The following TMEM225B variants were observed in gnomAD, a reference collection of about 807,000 sequenced individuals.
TMEM225B encodes transmembrane protein 225-like.
A neutral mutation model predicts 16.9 loss-of-function variants in TMEM225B; 10 were observed. The observed-to-expected ratio is 0.59, with a 90% CI of 0.36 to 1.00. The LOEUF is 1.00. Among genes scored for constraint, TMEM225B ranks in the 50% least tolerant of loss-of-function variants. TMEM225B has a pLI of 0.01. For synonymous variants in TMEM225B, 92 were observed against 109.8 expected, an observed-to-expected ratio of 0.84 and a Z score of 1.01; for missense variants, 217 against 267.0, an observed-to-expected ratio of 0.81 and a Z score of 1.30.
Position 99,604,526 on chromosome 7 carries a change from C to G in TMEM225B, c.138C>G (p.His46Gln). Reference protein sequence around the residue: ...FWVRLTNEESHEVFFSGLFEN... With the variant: ...FWVRLTNEESQEVFFSGLFEN... ...TGCGACTGACAAACGAGGAGTCCCA[C>G]GAAGTCTTTTTCAGTGGCCTATTTG... Residue 46 changes from histidine to glutamine, a missense_variant, in exon 3 of 6, where the codon CAC becomes CAG. His to Gln is a conservative substitution (Grantham distance 24). Coordinates refer to ENST00000431679, the MANE Select transcript of TMEM225B (RefSeq NM_001195541.3). The G allele has an allele frequency of 6.5e-7, 1 of 1,536,118 alleles. No homozygotes were observed. Among genetic ancestry groups the G allele is most frequent in the Non-Finnish European group, 8.7e-7 (1 of 1,146,886 alleles).
chr7:99,598,820 G>A (rs531176235), intron 1 of TMEM225B, among the ~76,000 whole-genome samples: 108 of 152,348 alleles, frequency 7.1e-4, no homozygotes, highest in Non-Finnish European at 4.1e-4. Context: ...GCCAGGGCCT[G>A]GGAGGTGCGG....
intron 2 of TMEM225B, among the ~76,000 whole-genome samples, chr7:99,601,644 G>C (rs1805369773): frequency 6.6e-6 from 1 of 152,168 alleles, no homozygotes; most frequent in South Asian, 2.1e-4. Flanking sequence ...GAAAGGAAGA[G>C]AAAGTACAAA....
intron 2 of TMEM225B, among the ~76,000 whole-genome samples, chr7:99,602,757 G>A (rs1805471457): frequency 2.0e-5 from 3 of 152,268 alleles, no homozygotes; most frequent in African/African-American, 7.2e-5. Context: ...TTGTTGCCCA[G>A]GCTGGAGTAC....
chr7:99,604,106 C>A (rs1428560382), intron 2 of TMEM225B, among the ~76,000 whole-genome samples: 1 of 152,156 alleles, frequency 6.6e-6, no homozygotes, highest in Admixed American at 6.6e-5. Context: ...CCCAGTTCAA[C>A]CTCCTCAGTT....
chr7:99,601,903 C>T (rs1259449935), intron 2 of TMEM225B, among the ~76,000 whole-genome samples: 1 of 152,216 alleles, frequency 6.6e-6, no homozygotes. Flanking sequence ...GGTAGAGGCC[C>T]CAGTGTCTGC....
chr7:99,602,691 A>T (rs1037788761), intron 2 of TMEM225B, among the ~76,000 whole-genome samples: 9 of 152,170 alleles, frequency 5.9e-5, no homozygotes, highest in African/African-American at 2.2e-4. Context: ...GTAACTACTC[A>T]TTCAAAAGAT....
Position 99,604,396 on chromosome 7 carries a change from C to T in TMEM225B, c.8C>T (p.Thr3Met), listed in dbSNP as rs768911016. Residue 3 changes from threonine to methionine, a missense_variant, in exon 3 of 6, where the codon ACG (threonine) becomes ATG (methionine). Coordinates refer to ENST00000431679, the MANE Select transcript of TMEM225B (RefSeq NM_001195541.3). ML[T>M]LEDKDMKGFS... ...TTTTCTCTTACACAGGTGATGCTGA[C>T]GTTAGAGGACAAGGACATGAAGGGA... 215 of 1,535,454 alleles carry T rather than the reference C, an allele frequency of 1.4e-4. No homozygotes were observed. The highest frequency in any genetic ancestry group is 3.8e-4 in the South Asian group (32 of 84,060).
chr7:99,604,355 C>T, intron 2 of TMEM225B, 31 bp from the exon 3 acceptor site: 3 of 1,496,178 alleles, frequency 2.0e-6, no homozygotes, highest in Non-Finnish European at 2.7e-6. Context: ...GGTCGGTGTC[C>T]CACCTCCACG....
chr7:99,607,926 G>T, intron 5 of TMEM225B, 116 bp downstream of exon 5: 2 of 1,136,056 alleles, frequency 1.8e-6, no homozygotes, highest in Middle Eastern at 4.0e-4. Context: ...AACCGCAGCT[G>T]CCAGTTAGAC....
chr7:99,600,418 G>T, intron 2 of TMEM225B, 133 bp downstream of exon 2: 1 of 648,346 alleles, frequency 1.5e-6, no homozygotes, highest in Non-Finnish European at 2.8e-6. Context: ...CCGCCCCCAG[G>T]AAGGAACCCA....
chr7:99,608,734 TACACACACACAC>T (rs35501095), intron 5 of TMEM225B, among the ~76,000 whole-genome samples: 4,062 of 113,664 alleles, frequency 0.036, 204 homozygotes, highest in African/African-American at 0.13. Flanking sequence ...TATATATATA[TACACACACACAC>T]ACACACACAC....
chr7:99,609,790 A>T (rs1484635803), intron 5 of TMEM225B, among the ~76,000 whole-genome samples: 2 of 152,058 alleles, frequency 1.3e-5, no homozygotes, highest in African/African-American at 4.8e-5. Flanking sequence ...GCTGGAGGGC[A>T]GTGGTGTGAT....
intron 4 of TMEM225B, among the ~76,000 whole-genome samples, chr7:99,607,326 C>A (rs1243341575): frequency 6.6e-6 from 1 of 152,076 alleles, no homozygotes; most frequent in Non-Finnish European, 1.5e-5. Flanking sequence ...GACCCAGGCT[C>A]CACCCTGAGA....
intron 1 of TMEM225B, 118 bp from the exon 2 acceptor site, chr7:99,600,087 G>A: frequency 1.5e-6 from 1 of 649,720 alleles, no homozygotes; most frequent in East Asian, 2.7e-5. Context: ...GGAGGGGGCA[G>A]TGGGAATGGG....
At chr7:99,609,629 T>C (rs1031226391) in intron 5 of TMEM225B, among the ~76,000 whole-genome samples, 3 of 151,734 alleles carry the variant, frequency 2.0e-5, no homozygotes, top group Admixed American at 6.6e-5. Flanking sequence ...AGAGATGGGG[T>C]TTCACCATGT....
intron 5 of TMEM225B, among the ~76,000 whole-genome samples, chr7:99,608,395 A>G (rs1355036240): frequency 6.6e-6 from 1 of 152,072 alleles, no homozygotes; most frequent in Non-Finnish European, 1.5e-5. Context: ...TTCTCTGCAG[A>G]ACGTTCTACC....
At chr7:99,607,639 A>G (rs1423757785) in intron 4 of TMEM225B, 34 bp from the exon 5 acceptor site, 1 of 1,522,206 alleles carries the variant, frequency 6.6e-7, no homozygotes, top group Admixed American at 2.0e-5. Flanking sequence ...GTAGCATGGG[A>G]GGAGACCGAG....
At chr7:99,600,838 G>A (rs1805298185) in intron 2 of TMEM225B, among the ~76,000 whole-genome samples, 1 of 152,106 alleles carries the variant, frequency 6.6e-6, no homozygotes, top group Non-Finnish European at 1.5e-5. Flanking sequence ...TCCAGGTGTG[G>A]AGGGAGACGT....
At chr7:99,602,680 T>C (rs915481286) in intron 2 of TMEM225B, among the ~76,000 whole-genome samples, 6 of 152,120 alleles carry the variant, frequency 3.9e-5, no homozygotes, top group Admixed American at 1.3e-4. Flanking sequence ...CCCACCACGG[T>C]GTAACTACTC....
Sources: gnomAD v4.1 joint callset for allele counts (sites outside exome capture counted in the v4.1 genomes callset) on GRCh38, gnomAD v4.1.1 for gene constraint, MANE v1.5 for transcripts, NCBI Gene and HGNC (gene_info 2026-07-23, HGNC 2026-07-21) for gene names.